Variants in DHDH observed in about 807,000 individuals in gnomAD.
DHDH encodes the protein trans-1,2-dihydrobenzene-1,2-diol dehydrogenase.
DHDH carries 29 observed loss-of-function variants against 33.2 expected under a neutral mutation model. That is an observed-to-expected ratio of 0.87 (90% CI 0.65 to 1.19). DHDH has a LOEUF of 1.19. DHDH is among the 50% of genes most tolerant of loss of function. The probability of loss-of-function intolerance (pLI) is 0.00; values close to 1 mark genes in which losing one functional copy is unlikely to be tolerated. For synonymous variants in DHDH, 201 were observed against 187.9 expected, an observed-to-expected ratio of 1.07 and a Z score of -0.57; for missense variants, 431 against 455.0, an observed-to-expected ratio of 0.95 and a Z score of 0.48.
chr19:48,937,034 G>A (rs1053881887), intron 3 of DHDH, among the ~76,000 whole-genome samples: 2 of 151,860 alleles, frequency 1.3e-5, no homozygotes, highest in African/African-American at 4.8e-5. Flanking sequence ...TCCTCCTGCC[G>A]CGGCCTCCCA....
At chr19:48,935,633 C>T (rs975254310) in intron 2 of DHDH, among the ~76,000 whole-genome samples, 8 of 151,630 alleles carry the variant, frequency 5.3e-5, no homozygotes, top group Middle Eastern at 3.4e-3. Context: ...CTGGCTAATA[C>T]GGTGAAACCG....
At position 48,933,720 on chromosome 19, in the gene DHDH, C is replaced by G; in HGVS notation, c.-2C>G. ...AGGTGCCGAGGGCTCCGCATCGCAA[C>G]CATGGCGCTGCGCTGGGGCATCGTG... On this transcript the variant is annotated 5_prime_UTR_variant, in exon 1 of 7. Coordinates refer to ENST00000221403, the MANE Select transcript of DHDH (RefSeq NM_014475.4). 3.1e-6 allele frequency: 5 copies of G among 1,613,346 alleles called. No individual in the cohort carries two copies. The highest frequency in any genetic ancestry group is 4.2e-6 in the Non-Finnish European group (5 of 1,179,974).
intron 2 of DHDH, 50 bp downstream of exon 2, chr19:48,935,161 C>A: frequency 7.0e-7 from 1 of 1,427,224 alleles, no homozygotes; most frequent in Non-Finnish European, 9.4e-7. Context: ...TGGAGCGGTG[C>A]CCCCTGGCTG....
At chr19:48,944,585 G>T in intron 6 of DHDH, 78 bp downstream of exon 6, 2 of 1,530,846 alleles carry the variant, frequency 1.3e-6, no homozygotes, top group Non-Finnish European at 1.8e-6. Flanking sequence ...CTGTCACCCT[G>T]CTGTTTAGAA....
Position 48,944,852 on chromosome 19 carries a change from G to C in DHDH, c.924G>C (p.Leu308=). Residue 308 remains leucine, a synonymous_variant, in exon 7 of 7, where the codon CTG becomes CTC. Transcript: ENST00000221403. ...TGAAGGAAAGTCCTGTGATTCCCCT[G>C]TCGGAAAGTGAGCTCCTGGCTGACA... ...KGMKESPVIP[L]SESELLADIL... is the part of the protein sequence containing the mutation. 1 of 1,613,868 alleles carries C rather than the reference G, an allele frequency of 6.2e-7. No homozygotes were observed. Among genetic ancestry groups the C allele is most frequent in the African/African-American group, 1.3e-5 (1 of 75,050 alleles).
intron 3 of DHDH, among the ~76,000 whole-genome samples, chr19:48,938,909 C>T (rs1356230572): frequency 4.6e-5 from 7 of 152,058 alleles, no homozygotes; most frequent in African/African-American, 1.7e-4. Flanking sequence ...CGTGATCTGC[C>T]CACTGTGGAC....
intron 3 of DHDH, among the ~76,000 whole-genome samples, chr19:48,937,284 C>T (rs890719266): frequency 6.6e-6 from 1 of 152,184 alleles, no homozygotes; most frequent in African/African-American, 2.4e-5. Context: ...GTTCACGCTC[C>T]TCTCGACTGC....
chr19:48,937,170 A>G (rs1270729993), intron 3 of DHDH, among the ~76,000 whole-genome samples: 1 of 146,634 alleles, frequency 6.8e-6, no homozygotes, highest in East Asian at 2.1e-4. Context: ...GGGGATCATC[A>G]GGTCGTGGAT....
intron 3 of DHDH, among the ~76,000 whole-genome samples, 161 bp from the exon 4 acceptor site, chr19:48,939,288 A>AG (rs1393777932): frequency 5.3e-5 from 8 of 151,864 alleles, no homozygotes; most frequent in African/African-American, 1.7e-4. Flanking sequence ...CAAAAAAAAA[A>AG]GAAAAAGAAG....
intron 1 of DHDH, among the ~76,000 whole-genome samples, chr19:48,934,401 C>G (rs2037743373): frequency 6.6e-6 from 1 of 152,062 alleles, no homozygotes; most frequent in African/African-American, 2.4e-5. Flanking sequence ...AGGGTCTGTG[C>G]TGAGGAGGAG....
Position 48,933,760 on chromosome 19 carries a change from C to A in DHDH, c.39C>A (p.Ile13=). 1 of 1,613,240 alleles carries A rather than the reference C, an allele frequency of 6.2e-7. No homozygotes were observed. Among genetic ancestry groups the A allele is most frequent in the Non-Finnish European group, 8.5e-7 (1 of 1,180,032 alleles). ...LRWGIVSVGL[I]SSDFTAVLQT... ...GGGGCATCGTGTCTGTCGGCCTCATCTCCAGCGACTTCACAGCCGTGCTGC... is the reference window on the plus strand; with the variant it reads ...GGGGCATCGTGTCTGTCGGCCTCATATCCAGCGACTTCACAGCCGTGCTGC... Residue 13 remains isoleucine (I), a synonymous_variant, in exon 1 of 7, where the codon ATC becomes ATA. Coordinates refer to ENST00000221403, the MANE Select transcript of DHDH (RefSeq NM_014475.4).
In DHDH at chr19:48,944,950, T is replaced by A. The variant is rs371782540; in HGVS notation, c.*17T>A. Reference sequence around the variant, plus strand: ...AAACGCTGATGTATCCCCGAATAAATAAAGACATCTTACATCTTCGTGGTA... The same window carrying A: ...AAACGCTGATGTATCCCCGAATAAAAAAAGACATCTTACATCTTCGTGGTA... On this transcript the variant is annotated 3_prime_UTR_variant, in exon 7 of 7. Coordinates refer to ENST00000221403, the MANE Select transcript of DHDH (RefSeq NM_014475.4). 4 of 1,606,348 alleles carry A rather than the reference T, an allele frequency of 2.5e-6. No individual in the cohort carries two copies. Among genetic ancestry groups the A allele is most frequent in the Non-Finnish European group, 3.4e-6 (4 of 1,173,264 alleles).
At chr19:48,940,717 C>T (rs938180712) in intron 4 of DHDH, among the ~76,000 whole-genome samples, 2 of 152,168 alleles carry the variant, frequency 1.3e-5, no homozygotes, top group South Asian at 2.1e-4. Flanking sequence ...ATTAGTTGGG[C>T]GTGGTGGTGT....
Position 48,936,140 on chromosome 19 carries a change from C to A in DHDH, c.311C>A (p.Ala104Glu). 1 of 1,608,640 alleles carries A rather than the reference C, an allele frequency of 6.2e-7. No homozygotes were observed. The highest frequency in any genetic ancestry group is 1.7e-4 in the Middle Eastern group (1 of 6,044). ...GAGAAGCCCACGGGCGTGAACGCGGCGGAAGTTCGCGAGATGGTCGCGGAG... is the reference window on the plus strand; with the variant it reads ...GAGAAGCCCACGGGCGTGAACGCGGAGGAAGTTCGCGAGATGGTCGCGGAG... Reference protein sequence around the residue: ...LCEKPTGVNAAEVREMVAEAR... With the variant: ...LCEKPTGVNAEEVREMVAEAR... Residue 104 changes from alanine to glutamate, a missense_variant, in exon 3 of 7, where the codon GCG becomes GAG. Physicochemically the swap from Ala to Glu is moderately radical, Grantham distance 107. Transcript: ENST00000221403.
In DHDH at chr19:48,944,514, A is replaced by T; in HGVS notation, c.895+7A>T. 1 of 1,592,330 alleles carries T rather than the reference A, an allele frequency of 6.3e-7. No homozygotes were observed. The highest frequency in any genetic ancestry group is 1.7e-5 in the Admixed American group (1 of 58,578). On this transcript the variant is annotated splice_region_variant and intron_variant, in intron 6 of 6. Transcript: ENST00000221403. ...TGGGAGTGCCTACGCAAGGGTAAGG[A>T]TATGGATGCGGGGCAGGCGCCAGGC...
chr19:48,941,986 G>A lies in DHDH; in HGVS notation c.620-454G>A, dbSNP rs181662465. On this transcript the variant is annotated intron_variant, in intron 4 of 6. Coordinates refer to ENST00000221403, the MANE Select transcript of DHDH (RefSeq NM_014475.4). ...CTGTGCACAGCCAAGACTGTACTTC[G>A]TGTGTGTGTGTGTGTGTGTGTGTGT... 1.7e-3 allele frequency among the ~76,000 whole-genome samples: 16 copies of A among 9,416 alleles called. No individual in the cohort carries two copies. The South Asian group carries it at 0.045, about 27-fold the overall frequency. 6.2% of individuals were successfully genotyped at this position (9,416 alleles called of 152,430 possible).
chr19:48,941,257 G>A (rs80334604), intron 4 of DHDH, among the ~76,000 whole-genome samples: 2,494 of 152,172 alleles, frequency 0.016, 78 homozygotes, highest in African/African-American at 0.057. Context: ...CATTCATATC[G>A]TGGTGTGAGA....
At chr19:48,941,616 C>A (rs1186639242) in intron 4 of DHDH, among the ~76,000 whole-genome samples, 1 of 150,888 alleles carries the variant, frequency 6.6e-6, no homozygotes, top group Non-Finnish European at 1.5e-5. Context: ...CTCCTGGGCT[C>A]AAGCAATACA....
intron 1 of DHDH, among the ~76,000 whole-genome samples, 164 bp downstream of exon 1, chr19:48,933,975 TG>T (rs2122239504): frequency 6.6e-6 from 1 of 152,224 alleles, no homozygotes; most frequent in East Asian, 1.9e-4. Context: ...TGCAAACCTG[TG>T]GGGAAAAGAA....
Sources: allele counts gnomAD v4.1 joint callset (sites outside exome capture counted in the v4.1 genomes callset), GRCh38; gene constraint gnomAD v4.1.1; transcripts MANE v1.5; gene names NCBI Gene and HGNC (gene_info 2026-07-23, HGNC 2026-07-21).